The following BFSP2 variants were observed in gnomAD, a reference collection of about 807,000 sequenced individuals.
BFSP2 encodes phakinin.
Under a neutral mutation model 44.9 loss-of-function variants are expected in BFSP2, and 38 were observed. The ratio of observed to expected loss-of-function variants is 0.85; its 90% CI spans 0.65 to 1.11. BFSP2 has a LOEUF of 1.11. Among genes scored for constraint, BFSP2 ranks in the 50% least tolerant of loss-of-function variants. BFSP2 has a pLI of 0.00. For synonymous variants in BFSP2, 197 were observed against 209.9 expected (o/e 0.94, Z 0.53); for missense variants, 525 against 533.0 (o/e 0.99, Z 0.15).
At chr3:133,404,685 G>A (rs745322413) in intron 1 of BFSP2, among the ~76,000 whole-genome samples, 1 of 152,090 alleles carries the variant, frequency 6.6e-6, no homozygotes, top group Non-Finnish European at 1.5e-5. Flanking sequence ...CAGAAGAAAG[G>A]AAAAAGCATT....
At chr3:133,463,393 G>A (rs1201063130) in intron 4 of BFSP2, among the ~76,000 whole-genome samples, 1 of 152,212 alleles carries the variant, frequency 6.6e-6, no homozygotes, top group Non-Finnish European at 1.5e-5. Context: ...CAACTTGAAA[G>A]ACAAGTGCGC....
At chr3:133,458,295 A>G (rs535267718) in intron 4 of BFSP2, among the ~76,000 whole-genome samples, 1 of 152,310 alleles carries the variant, frequency 6.6e-6, no homozygotes, top group East Asian at 1.9e-4. Context: ...CTGCAAAGAG[A>G]ATAGGGAAAA....
chr3:133,446,779 T>C (rs2107922450), intron 1 of BFSP2, among the ~76,000 whole-genome samples: 1 of 151,018 alleles, frequency 6.6e-6, no homozygotes, highest in Admixed American at 6.6e-5. Context: ...AATGTTTATG[T>C]TCACGTGTAT....
intron 4 of BFSP2, among the ~76,000 whole-genome samples, chr3:133,459,502 C>T (rs539756403): frequency 2.0e-4 from 31 of 152,318 alleles, no homozygotes; most frequent in South Asian, 8.3e-4. Flanking sequence ...GCAGCTCCAA[C>T]GGAGGCTGGG....
intron 2 of BFSP2, 79 bp downstream of exon 2, chr3:133,447,478 C>T (rs1576585850): frequency 1.4e-6 from 2 of 1,399,810 alleles, no homozygotes; most frequent in African/African-American, 1.4e-5. Flanking sequence ...TGTTCTGGAG[C>T]CTGCATCATC....
intron 1 of BFSP2, among the ~76,000 whole-genome samples, chr3:133,404,657 T>C (rs1194506188): frequency 6.6e-6 from 1 of 152,204 alleles, no homozygotes; most frequent in Non-Finnish European, 1.5e-5. Context: ...AAAATTACCA[T>C]AACAAGTTGA....
intron 1 of BFSP2, among the ~76,000 whole-genome samples, chr3:133,425,793 G>C (rs1310580145): frequency 1.5e-5 from 2 of 133,960 alleles, no homozygotes; most frequent in East Asian, 4.1e-4. Flanking sequence ...GGGAAGGGAA[G>C]GGAAGGGAAG....
At position 133,408,592 on chromosome 3, in the gene BFSP2, A is replaced by G. The variant is rs2073423471; in HGVS notation, c.489+8020A>G. On this transcript the variant is annotated intron_variant, in intron 1 of 6. Transcript: ENST00000302334. ...AGCTGTTCACTGCAATCCTATCTGT[A>G]ATACCAAAATACTGGAAAAATCCAA... 2.0e-5 allele frequency among the ~76,000 whole-genome samples: 3 copies of G among 152,350 alleles called. No homozygotes were observed. In the East Asian group the frequency reaches 5.8e-4, roughly 29 times the overall value.
intron 1 of BFSP2, among the ~76,000 whole-genome samples, chr3:133,430,086 C>T (rs2073696907): frequency 6.6e-6 from 1 of 151,764 alleles, no homozygotes; most frequent in Admixed American, 6.6e-5. Flanking sequence ...GACATGAACT[C>T]ATCCTTTTTT....
chr3:133,450,369 A>T lies in BFSP2; in HGVS notation c.796A>T (p.Thr266Ser), dbSNP rs750976752. Residue 266 changes from threonine to serine, a missense_variant, in exon 4 of 7, where the codon ACT becomes TCT. Thr to Ser is a moderately conservative substitution (Grantham distance 58). Transcript: ENST00000302334. ...ELEQMDAPIG[T>S]GLDDILETIR... Reference sequence around the variant, plus strand: ...GGAACAAATGGATGCTCCCATTGGCACTGGTCTGGACGACATCCTTGAGAC... The same window carrying T: ...GGAACAAATGGATGCTCCCATTGGCTCTGGTCTGGACGACATCCTTGAGAC... The T allele has an allele frequency of 6.2e-7, 1 of 1,614,192 alleles. No homozygotes were observed.
chr3:133,466,553 G>A (rs892756676), intron 4 of BFSP2, among the ~76,000 whole-genome samples: 1 of 151,164 alleles, frequency 6.6e-6, no homozygotes, highest in African/African-American at 2.4e-5. Context: ...CCTGGTGGCG[G>A]GTACCTGTAA....
chr3:133,430,831 C>T (rs940361173), intron 1 of BFSP2, among the ~76,000 whole-genome samples: 28 of 152,074 alleles, frequency 1.8e-4, no homozygotes, highest in Admixed American at 3.3e-4. Context: ...GAGCTAGGTC[C>T]CAATTCTTCC....
intron 3 of BFSP2, chr3:133,448,948 G>A: frequency 2.6e-6 from 1 of 383,014 alleles, no homozygotes; most frequent in Non-Finnish European, 4.9e-6. Context: ...CCTCCTCAAT[G>A]CATTCTATGT....
intron 3 of BFSP2, among the ~76,000 whole-genome samples, chr3:133,450,020 G>GGAAGGAAGGAAGGAA (rs1559976164): frequency 1.6e-3 from 53 of 33,300 alleles, no homozygotes; most frequent in African/African-American, 4.2e-3. Flanking sequence ...GAAGGAAGGA[G>GGAAGGAAGGAAGGAA]GGAGGGAGGG....
At chr3:133,410,229 A>AG (rs2073437392) in intron 1 of BFSP2, 1 of 292,768 alleles carries the variant, frequency 3.4e-6, no homozygotes, top group Non-Finnish European at 6.5e-6. Flanking sequence ...AATGGACCCC[A>AG]GTAGGACCTC....
chr3:133,453,781 G>A (rs1423236509), intron 4 of BFSP2, among the ~76,000 whole-genome samples: 1 of 152,160 alleles, frequency 6.6e-6, no homozygotes, highest in African/African-American at 2.4e-5. Flanking sequence ...GATAAAGGTG[G>A]TACCATCAGC....
At chr3:133,467,328 G>A (rs1204161178) in intron 5 of BFSP2, among the ~76,000 whole-genome samples, 1 of 152,192 alleles carries the variant, frequency 6.6e-6, no homozygotes, top group Non-Finnish European at 1.5e-5. Flanking sequence ...CTAAGAGGGG[G>A]CTTTAAAATT....
chr3:133,414,583 C>T (rs1289759939), intron 1 of BFSP2, among the ~76,000 whole-genome samples: 1 of 126,594 alleles, frequency 7.9e-6, no homozygotes, highest in African/African-American at 3.1e-5. Context: ...CTCCTCTCTA[C>T]TCAGCCCTGT....
chr3:133,453,150 CAG>C (rs1337663520), intron 4 of BFSP2, among the ~76,000 whole-genome samples: 1 of 152,200 alleles, frequency 6.6e-6, no homozygotes, highest in Admixed American at 6.5e-5. Flanking sequence ...TGATCATCAA[CAG>C]AGATCTGAAC....
Sources: allele counts gnomAD v4.1 joint callset (sites outside exome capture counted in the v4.1 genomes callset), GRCh38; gene constraint gnomAD v4.1.1; transcripts MANE v1.5; gene names NCBI Gene and HGNC (gene_info 2026-07-23, HGNC 2026-07-21).